The following TTC3 variants were observed in gnomAD, a reference collection of about 807,000 sequenced individuals.
TTC3 encodes tetratricopeptide repeat domain 3.
In TTC3, 180 loss-of-function variants were observed where a neutral mutation model predicts 249.6. The observed-to-expected ratio is 0.72, with a 90% CI of 0.64 to 0.82. The LOEUF (loss-of-function observed/expected upper bound fraction) is 0.82. TTC3 is among the 40% of genes least tolerant of loss of function. TTC3 has a pLI of 0.00. For missense variants in TTC3, 2,061 were observed against 2,398.4 expected, an observed-to-expected ratio of 0.86 and a Z score of 2.94; for synonymous variants, 717 against 805.0, an observed-to-expected ratio of 0.89 and a Z score of 1.85.
intron 16 of TTC3, among the ~76,000 whole-genome samples, chr21:37,130,166 TA>T (rs562197714): frequency 1.1e-4 from 16 of 151,022 alleles, no homozygotes; most frequent in South Asian, 1.0e-3. Flanking sequence ...ATCAAAACAC[TA>T]AAAAAAAATC....
At chr21:37,121,766 T>TTAA (rs1568975962) in intron 11 of TTC3, 51 bp from the exon 12 acceptor site, 1 of 1,482,636 alleles carries the variant, frequency 6.7e-7, no homozygotes, top group East Asian at 2.4e-5. Context: ...CCTGTTTTCT[T>TTAA]TAACTTAAGC....
At position 37,076,694 on chromosome 21, in the gene TTC3, A is replaced by ATTTTTTTTTT. The variant is rs61629167; in HGVS notation, c.-12+3347_-12+3356dup. Among the ~76,000 whole-genome samples, 295 of 94,972 alleles carry ATTTTTTTTTT rather than the reference A, an allele frequency of 3.1e-3. 18 individuals carry two copies. Among genetic ancestry groups the ATTTTTTTTTT allele is most frequent in the African/African-American group, 0.012 (252 of 21,212 alleles). The allele number at this position is 94,972 out of a possible 152,430, so 62.3% of individuals were successfully genotyped here. A position where few individuals can be genotyped will look rare whatever the true frequency, so the allele number is the denominator to read the frequency against. On this transcript the variant is annotated intron_variant, in intron 1 of 45. Transcript: ENST00000355666. Reference sequence around the variant, plus strand: ...AAACTCCCTTGGGGAAAACAAAGGGATTTTTTTTTTTTTTTTTTTTTTTTT... The same window carrying ATTTTTTTTTT: ...AAACTCCCTTGGGGAAAACAAAGGGATTTTTTTTTTTTTTTTTTTTTTTTTTTTTTTTTTT...
At chr21:37,106,600 A>G (rs1197355328) in intron 10 of TTC3, among the ~76,000 whole-genome samples, 1 of 152,288 alleles carries the variant, frequency 6.6e-6, no homozygotes, top group Non-Finnish European at 1.5e-5. Context: ...CAAGATTCAT[A>G]TGGGCCAGGT....
At chr21:37,100,151 G>T (rs982801380) in intron 10 of TTC3, among the ~76,000 whole-genome samples, 2 of 152,160 alleles carry the variant, frequency 1.3e-5, no homozygotes, top group African/African-American at 4.8e-5. Context: ...GTTGGGAGGG[G>T]TGGTACACGG....
intron 27 of TTC3, among the ~76,000 whole-genome samples, chr21:37,154,939 C>T (rs1360940687): frequency 6.6e-6 from 1 of 152,160 alleles, no homozygotes; most frequent in Non-Finnish European, 1.5e-5. Flanking sequence ...TCGTGATCTG[C>T]CCACCTCGGC....
intron 34 of TTC3, among the ~76,000 whole-genome samples, chr21:37,168,751 A>C (rs1458864092): frequency 0.059 from 2 of 34 alleles, no homozygotes; most frequent in Non-Finnish European, 0.1. Context: ...TTAAAACAGT[A>C]AAATATTTCA....
chr21:37,075,509 A>G (rs1398119936), intron 1 of TTC3, among the ~76,000 whole-genome samples: 1 of 152,184 alleles, frequency 6.6e-6, no homozygotes, highest in Non-Finnish European at 1.5e-5. Flanking sequence ...GGTTGTACCA[A>G]TTTTCACTGT....
At chr21:37,157,160 G>C (rs754015388) in intron 28 of TTC3, 3 of 1,399,062 alleles carry the variant, frequency 2.1e-6, no homozygotes, top group Non-Finnish European at 1.9e-6. Flanking sequence ...TCCCGTCTTA[G>C]ATATTTTCAC....
At chr21:37,125,367 C>T (rs897393332) in intron 14 of TTC3, among the ~76,000 whole-genome samples, 1 of 152,190 alleles carries the variant, frequency 6.6e-6, no homozygotes, top group Non-Finnish European at 1.5e-5. Context: ...TTTTCTTAAC[C>T]ACTCCAGCTT....
chr21:37,085,496 G>T (rs1187969390), intron 1 of TTC3, among the ~76,000 whole-genome samples: 3 of 152,190 alleles, frequency 2.0e-5, no homozygotes, highest in Non-Finnish European at 2.9e-5. Flanking sequence ...ATTCAGATGG[G>T]TGAAAAATGA....
At position 37,156,914 on chromosome 21, in the gene TTC3, G is replaced by T. The variant is rs2080146900; in HGVS notation, c.2992+8G>T. On this transcript the variant is annotated splice_region_variant and intron_variant, in intron 28 of 45. Coordinates refer to ENST00000355666, the Ensembl canonical transcript of TTC3. ...AATTCTTTGATATAATGGGTATGTG[G>T]ACTGAGTTTAGACTTATATTACATT... 1.9e-6 allele frequency: 3 copies of T among 1,612,126 alleles called. No homozygotes were observed. Among genetic ancestry groups the T allele is most frequent in the Non-Finnish European group, 2.5e-6 (3 of 1,179,666 alleles).
At chr21:37,096,036 C>T (rs1488157527) in intron 9 of TTC3, among the ~76,000 whole-genome samples, 1 of 152,198 alleles carries the variant, frequency 6.6e-6, no homozygotes, top group African/African-American at 2.4e-5. Context: ...TGTGCATCTC[C>T]ACAGGGAATG....
chr21:37,131,482 C>T (rs1013721321), intron 16 of TTC3, among the ~76,000 whole-genome samples: 5 of 152,156 alleles, frequency 3.3e-5, no homozygotes, highest in African/African-American at 1.2e-4. Flanking sequence ...CCTCGCGCCC[C>T]CCAACCTTCC....
chr21:37,152,999 T>C, exon 27 of TTC3: 1 of 1,612,822 alleles, frequency 6.2e-7, no homozygotes, highest in Non-Finnish European at 8.5e-7. Flanking sequence ...GACAGAATTC[T>C]ACAGTGTATA....
chr21:37,127,707 G>A (rs1224870794), intron 15 of TTC3, among the ~76,000 whole-genome samples: 1 of 152,114 alleles, frequency 6.6e-6, no homozygotes, highest in Non-Finnish European at 1.5e-5. Context: ...TTGTTGGGTG[G>A]TTGGTTTTTC....
chr21:37,141,316 A>G (rs2078427046), intron 20 of TTC3, among the ~76,000 whole-genome samples: 1 of 152,224 alleles, frequency 6.6e-6, no homozygotes, highest in Non-Finnish European at 1.5e-5. Flanking sequence ...ATTATAAAGA[A>G]ATAATTGTTG....
intron 41 of TTC3, 61 bp downstream of exon 41, chr21:37,192,274 G>A: frequency 1.6e-5 from 18 of 1,126,718 alleles, no homozygotes; most frequent in Non-Finnish European, 2.1e-5. Context: ...ACTGGCCAAA[G>A]TAGTTATTTG....
intron 40 of TTC3, 85 bp downstream of exon 40, chr21:37,191,509 T>C: frequency 1.3e-6 from 1 of 749,360 alleles, no homozygotes; most frequent in South Asian, 2.7e-5. Flanking sequence ...TGAATCTATT[T>C]CTTTTTTATC....
chr21:37,158,622 C>T (rs1233795130), intron 28 of TTC3, among the ~76,000 whole-genome samples: 2 of 152,136 alleles, frequency 1.3e-5, no homozygotes, highest in African/African-American at 4.8e-5. Flanking sequence ...GCATGATCCC[C>T]TAGGGTATTT....
Sources: allele counts gnomAD v4.1 joint callset (sites outside exome capture counted in the v4.1 genomes callset), GRCh38; gene constraint gnomAD v4.1.1; transcripts MANE v1.5; gene names NCBI Gene and HGNC (gene_info 2026-07-23, HGNC 2026-07-21).